The following SYN2 variants were observed in gnomAD, a reference collection of about 807,000 sequenced individuals.
SYN2 encodes synapsin-2.
A neutral mutation model predicts 50.9 loss-of-function variants in SYN2; 19 were observed. That is an observed-to-expected ratio of 0.37 (90% CI 0.26 to 0.55). The LOEUF (loss-of-function observed/expected upper bound fraction) is 0.55. Ranked by LOEUF, SYN2 falls within the 20% of genes least tolerant of loss-of-function variation. The pLI is 0.81. For synonymous variants in SYN2, 255 were observed against 224.9 expected (o/e 1.13, Z -1.20); for missense variants, 587 against 576.4 (o/e 1.02, Z -0.19).
At position 12,128,943 on chromosome 3, in the gene SYN2, A is replaced by C. The variant is rs182529576; in HGVS notation, c.378-11708A>C. Among the ~76,000 whole-genome samples, 204 of 152,338 alleles carry C rather than the reference A, an allele frequency of 1.3e-3. 1 individual carries two copies. Among genetic ancestry groups the C allele is most frequent in the African/African-American group, 4.4e-3 (185 of 41,580 alleles). ...TGTAACAGAGCTGGGCATGAGATTG[A>C]TACAGTGGCTACCACCACAAGGTCG... On this transcript the variant is annotated intron_variant, in intron 1 of 12. Transcript: ENST00000621198.
At chr3:12,178,893 T>C (rs1280652416) in intron 10 of SYN2, among the ~76,000 whole-genome samples, 4 of 152,244 alleles carry the variant, frequency 2.6e-5, no homozygotes, top group African/African-American at 9.6e-5. Context: ...ACACAGCTGC[T>C]AAGCAGGAGA....
chr3:12,179,722 G>A (rs1441800192), intron 10 of SYN2, among the ~76,000 whole-genome samples: 2 of 152,146 alleles, frequency 1.3e-5, no homozygotes, highest in Non-Finnish European at 2.9e-5. Context: ...TTTGCTCCAT[G>A]TACCCATGTT....
At chr3:12,174,829 A>G (rs1170116495) in intron 10 of SYN2, among the ~76,000 whole-genome samples, 1 of 152,074 alleles carries the variant, frequency 6.6e-6, no homozygotes, top group East Asian at 1.9e-4. Context: ...CAACTATCCA[A>G]TCCAAAGCTG....
intron 1 of SYN2, among the ~76,000 whole-genome samples, chr3:12,085,471 A>G (rs1407360803): frequency 6.6e-6 from 1 of 152,310 alleles, no homozygotes; most frequent in Admixed American, 6.5e-5. Context: ...CAATACAATA[A>G]TAGTAAGGTA....
chr3:12,006,656 T>A (rs1338993139), intron 1 of SYN2, among the ~76,000 whole-genome samples: 1 of 152,086 alleles, frequency 6.6e-6, no homozygotes, highest in Non-Finnish European at 1.5e-5. Context: ...TTCCACTGTG[T>A]TATATTGCCT....
intron 1 of SYN2, among the ~76,000 whole-genome samples, chr3:12,046,278 G>T (rs1475114495): frequency 6.6e-6 from 1 of 152,130 alleles, no homozygotes; most frequent in Non-Finnish European, 1.5e-5. Context: ...TTTAAAATGA[G>T]ACCTGAAGGA....
At chr3:12,085,359 ACACACACACACACACACACACG>A (rs1695675359) in intron 1 of SYN2, among the ~76,000 whole-genome samples, 2 of 58,644 alleles carry the variant, frequency 3.4e-5, no homozygotes, top group African/African-American at 2.0e-4. Context: ...GAATACACAC[ACACACACACACACACACACACG>A]CACGCACGCA....
At chr3:12,182,373 T>C (rs530227678) in intron 10 of SYN2, among the ~76,000 whole-genome samples, 1 of 152,200 alleles carries the variant, frequency 6.6e-6, no homozygotes, top group South Asian at 2.1e-4. Flanking sequence ...TGGCAGACTT[T>C]AGGCTTCACA....
At chr3:12,137,090 AT>A (rs1696911947) in intron 1 of SYN2, among the ~76,000 whole-genome samples, 1 of 152,072 alleles carries the variant, frequency 6.6e-6, no homozygotes, top group South Asian at 2.1e-4. Flanking sequence ...TACAAAAAAA[AT>A]TTAAAAATTA....
rs1480375426 is a variant in SYN2 at position 12,032,961 on chromosome 3, G to A, written c.377+28033G>A. On this transcript the variant is annotated intron_variant, in intron 1 of 12. Transcript: ENST00000621198. The stretch of plus-strand genomic sequence containing the variant: ...CTTTGGAGGAGGAGAGGCGCTCTGC[G>A]TTTTAGAGTTTCCAGTTTTTCTGTT... 1.1e-4 allele frequency among the ~76,000 whole-genome samples: 12 copies of A among 108,188 alleles called. No homozygotes were observed. The East Asian group carries it at 2.3e-3, about 21-fold the overall frequency. The allele number at this position is 108,188 out of a possible 152,430, so 71.0% of individuals were successfully genotyped here. A position where few individuals can be genotyped will look rare whatever the true frequency, so the allele number is the denominator to read the frequency against.
At chr3:12,018,901 G>A (rs1694073943) in intron 1 of SYN2, among the ~76,000 whole-genome samples, 2 of 152,146 alleles carry the variant, frequency 1.3e-5, no homozygotes, top group African/African-American at 2.4e-5. Context: ...TATGGTCATG[G>A]GCACTTTTTC....
At chr3:12,104,526 A>G (rs1473695521) in intron 1 of SYN2, among the ~76,000 whole-genome samples, 1 of 148,282 alleles carries the variant, frequency 6.7e-6, no homozygotes, top group Admixed American at 6.7e-5. Flanking sequence ...ATTAGAGAAC[A>G]TACCTCCGTT....
At chr3:12,182,460 A>G (rs1430389709) in intron 10 of SYN2, among the ~76,000 whole-genome samples, 6 of 152,224 alleles carry the variant, frequency 3.9e-5, no homozygotes, top group African/African-American at 1.4e-4. Flanking sequence ...ACTAAGTCGC[A>G]CAGGTCTTTA....
intron 1 of SYN2, among the ~76,000 whole-genome samples, chr3:12,051,583 A>T (rs565497682): frequency 6.6e-6 from 1 of 152,332 alleles, no homozygotes; most frequent in South Asian, 2.1e-4. Flanking sequence ...GAGATCCTAT[A>T]GTCTGCCGCC....
intron 1 of SYN2, among the ~76,000 whole-genome samples, chr3:12,112,541 A>G (rs919315081): frequency 6.6e-6 from 1 of 152,182 alleles, no homozygotes; most frequent in Admixed American, 6.5e-5. Flanking sequence ...TAAAAGTACT[A>G]AGAATCTCTC....
At chr3:12,024,299 G>C (rs990678002) in intron 1 of SYN2, among the ~76,000 whole-genome samples, 12 of 151,718 alleles carry the variant, frequency 7.9e-5, no homozygotes, top group Non-Finnish European at 2.9e-5. Context: ...TGGGATTACA[G>C]GTGCATGCCA....
intron 5 of SYN2, among the ~76,000 whole-genome samples, chr3:12,158,356 C>T (rs1345087976): frequency 1.3e-5 from 2 of 152,078 alleles, no homozygotes; most frequent in African/African-American, 2.4e-5. Flanking sequence ...CAATGCAAGC[C>T]CTCTCCCCTC....
chr3:12,111,025 C>G (rs1014213910), intron 1 of SYN2, among the ~76,000 whole-genome samples: 2 of 152,240 alleles, frequency 1.3e-5, no homozygotes, highest in East Asian at 3.9e-4. Context: ...AATGTGAGGA[C>G]ATGAGGTTTG....
chr3:12,013,927 T>C (rs1225874643), intron 1 of SYN2, among the ~76,000 whole-genome samples: 2 of 152,222 alleles, frequency 1.3e-5, no homozygotes, highest in Non-Finnish European at 2.9e-5. Flanking sequence ...CTCCTCCTTG[T>C]CTTTACTGTC....
Sources: allele counts gnomAD v4.1 joint callset (sites outside exome capture counted in the v4.1 genomes callset), GRCh38; gene constraint gnomAD v4.1.1; transcripts MANE v1.5; gene names NCBI Gene and HGNC (gene_info 2026-07-23, HGNC 2026-07-21).